PPM1H: variants seen among roughly 807,000 people sequenced by gnomAD.
The protein encoded by PPM1H is protein phosphatase 1H.
A neutral mutation model predicts 54.9 loss-of-function variants in PPM1H; 27 were observed. The ratio of observed to expected loss-of-function variants is 0.49; its 90% confidence interval spans 0.36 to 0.68. The LOEUF (loss-of-function observed/expected upper bound fraction) is 0.68, where lower values mean the gene tolerates loss of function less well. Among genes scored for constraint, PPM1H ranks in the 30% least tolerant of loss-of-function variants. The pLI, the probability that PPM1H is intolerant of heterozygous loss-of-function variation, is 0.00. For synonymous variants in PPM1H, 305 were observed against 270.8 expected, an observed-to-expected ratio of 1.13 and a Z score of -1.24; for missense variants, 596 against 667.8, an observed-to-expected ratio of 0.89 and a Z score of 1.19.
chr12:62,745,580 A>G (rs1431164783), intron 4 of PPM1H, among the ~76,000 whole-genome samples: 2 of 152,178 alleles, frequency 1.3e-5, no homozygotes, highest in African/African-American at 4.8e-5. Context: ...AGGTGGCCCA[A>G]CCACATCTCA....
intron 1 of PPM1H, among the ~76,000 whole-genome samples, chr12:62,841,854 T>A (rs758560303): frequency 9.2e-5 from 14 of 152,200 alleles, no homozygotes; most frequent in Non-Finnish European, 1.6e-4. Context: ...CCTCATAGAT[T>A]TCCCCCCATA....
intron 4 of PPM1H, among the ~76,000 whole-genome samples, chr12:62,753,149 G>A (rs766539935): frequency 3.3e-5 from 5 of 152,210 alleles, no homozygotes; most frequent in African/African-American, 7.2e-5. Flanking sequence ...AAACAAAGCC[G>A]AGAACTGAAC....
Position 62,658,642 on chromosome 12 carries a change from A to C in PPM1H, c.1397+8536T>G, listed in dbSNP as rs116323380. 4.5e-3 allele frequency among the ~76,000 whole-genome samples: 691 copies of C among 152,254 alleles called. 5 individuals are homozygous for C. The highest frequency in any genetic ancestry group is 0.015 in the African/African-American group (629 of 41,542). On this transcript the variant is annotated intron_variant, in intron 9 of 9. Transcript: ENST00000228705. The stretch of plus-strand genomic sequence containing the variant: ...ATTATAAGGAACCAGAGGACTGTGC[A>C]GCCCAACCTCCATTACCTGCAGCAA...
chr12:62,780,439 C>G (rs1190680482), intron 4 of PPM1H, among the ~76,000 whole-genome samples: 1 of 152,122 alleles, frequency 6.6e-6, no homozygotes, highest in African/African-American at 2.4e-5. Flanking sequence ...TAGCTGGGAC[C>G]ACAGGCATGT....
chr12:62,870,977 T>C (rs904043348), intron 1 of PPM1H, among the ~76,000 whole-genome samples: 6 of 152,200 alleles, frequency 3.9e-5, no homozygotes, highest in Non-Finnish European at 8.8e-5. Flanking sequence ...GGTAAAATGG[T>C]GCAGCCACTT....
At position 62,648,272 on chromosome 12, in the gene PPM1H, C is replaced by G; in HGVS notation, c.*217G>C. On this transcript the variant is annotated 3_prime_UTR_variant, in exon 10 of 10. Transcript: ENST00000228705. ...GAAATACAACAACACTTGGTAGCAG[C>G]CTTTGTGTTTTGCTCTTGTTGAGTT... The G allele has an allele frequency of 1.8e-6, 1 of 541,996 alleles. No individual in the cohort carries two copies. Among genetic ancestry groups the G allele is most frequent in the Non-Finnish European group, 3.3e-6 (1 of 307,336 alleles). 33.6% of individuals were successfully genotyped at this position (541,996 alleles called of 1,614,324 possible).
chr12:62,876,168 A>G (rs998468735), intron 1 of PPM1H, among the ~76,000 whole-genome samples: 5 of 152,220 alleles, frequency 3.3e-5, no homozygotes, highest in Non-Finnish European at 7.3e-5. Flanking sequence ...AAATTAAAAT[A>G]AGGATCAATA....
chr12:62,888,405 C>G lies in PPM1H; in HGVS notation c.245+46087G>C, dbSNP rs1870666943. Among the ~76,000 whole-genome samples, 5 of 152,048 alleles carry G rather than the reference C, an allele frequency of 3.3e-5. 1 individual carries two copies. The South Asian group carries it at 1.0e-3, about 32-fold the overall frequency. ...GGACACACATTTGGTCACCATCTAC[C>G]TATGAATGGTATTTAGAGACACTGG... On this transcript the variant is annotated intron_variant, in intron 1 of 9. Coordinates refer to ENST00000228705, the MANE Select transcript of PPM1H (RefSeq NM_020700.2).
chr12:62,707,101 A>G (rs980122072), intron 6 of PPM1H, among the ~76,000 whole-genome samples: 5 of 152,154 alleles, frequency 3.3e-5, no homozygotes, highest in African/African-American at 1.2e-4. Context: ...GGCCTTGGAG[A>G]TGGGGTGTGT....
At chr12:62,878,919 G>A (rs1870289791) in intron 1 of PPM1H, among the ~76,000 whole-genome samples, 1 of 152,176 alleles carries the variant, frequency 6.6e-6, no homozygotes, top group South Asian at 2.1e-4. Context: ...CAGCCTGGGT[G>A]ACAGGGCAAG....
intron 2 of PPM1H, among the ~76,000 whole-genome samples, chr12:62,816,030 T>C (rs763627826): frequency 2.0e-5 from 3 of 152,210 alleles, no homozygotes; most frequent in Admixed American, 6.5e-5. Context: ...AGAGAAATCA[T>C]AATGGAAATG....
At chr12:62,869,350 C>A (rs11174701) in intron 1 of PPM1H, among the ~76,000 whole-genome samples, 44,659 of 152,034 alleles carry the variant, frequency 0.29, 7,179 homozygotes, top group East Asian at 0.54. Context: ...ATTCTAAATT[C>A]TTTACACATA....
At chr12:62,713,197 A>T (rs2076216913) in intron 6 of PPM1H, among the ~76,000 whole-genome samples, 1 of 152,202 alleles carries the variant, frequency 6.6e-6, no homozygotes, top group African/African-American at 2.4e-5. Context: ...CTCCACCCCA[A>T]GCCAAACTCC....
At chr12:62,719,873 G>A (rs926244185) in intron 6 of PPM1H, among the ~76,000 whole-genome samples, 3 of 152,150 alleles carry the variant, frequency 2.0e-5, no homozygotes, top group African/African-American at 7.2e-5. Context: ...AACACATAAA[G>A]CTTCATGTGT....
intron 1 of PPM1H, among the ~76,000 whole-genome samples, chr12:62,862,158 C>T (rs938436235): frequency 2.0e-5 from 3 of 152,100 alleles, no homozygotes; most frequent in African/African-American, 2.4e-5. Flanking sequence ...ACCCAGAGAG[C>T]GGGCTGCTGA....
intron 5 of PPM1H, among the ~76,000 whole-genome samples, chr12:62,722,573 T>C (rs1364196410): frequency 6.6e-6 from 1 of 152,208 alleles, no homozygotes. Context: ...ATAAGAGGCC[T>C]GTGATCCTTT....
intron 2 of PPM1H, among the ~76,000 whole-genome samples, chr12:62,818,943 C>T (rs1196421461): frequency 6.6e-6 from 1 of 150,852 alleles, no homozygotes; most frequent in East Asian, 2.0e-4. Context: ...GCCTCAGACT[C>T]CCAAGAAGCT....
chr12:62,842,084 T>C (rs1294630473), intron 1 of PPM1H, among the ~76,000 whole-genome samples: 1 of 152,222 alleles, frequency 6.6e-6, no homozygotes, highest in Non-Finnish European at 1.5e-5. Flanking sequence ...GCCCCAGTGC[T>C]GCTCTGTTGG....
chr12:62,656,703 C>T (rs1000571532), intron 9 of PPM1H, among the ~76,000 whole-genome samples: 2 of 152,188 alleles, frequency 1.3e-5, no homozygotes, highest in Admixed American at 1.3e-4. Flanking sequence ...CAGGCTCCAT[C>T]TGCTGACACC....
Sources: allele counts gnomAD v4.1 joint callset (sites outside exome capture counted in the v4.1 genomes callset), GRCh38; gene constraint gnomAD v4.1.1; transcripts MANE v1.5; gene names NCBI Gene and HGNC (gene_info 2026-07-23, HGNC 2026-07-21).